Variants in NTHL1 observed in about 807,000 individuals in gnomAD.
NTHL1 encodes the protein nth like DNA glycosylase 1, also known as endonuclease III-like protein 1.
In NTHL1, 32 loss-of-function variants were observed where a neutral mutation model predicts 32.3. The observed-to-expected ratio is 0.99, with a 90% confidence interval of 0.75 to 1.33. The LOEUF is 1.33. Among genes scored for constraint, NTHL1 ranks in the 40% most tolerant of loss-of-function variants. The probability of loss-of-function intolerance (pLI) is 0.00; values close to 1 mark genes in which losing one functional copy is unlikely to be tolerated. For missense variants in NTHL1, 501 were observed against 414.1 expected, an observed-to-expected ratio of 1.21 and a Z score of -1.82; for synonymous variants, 188 against 176.9, an observed-to-expected ratio of 1.06 and a Z score of -0.50.
intron 2 of NTHL1, among the ~76,000 whole-genome samples, chr16:2,045,068 G>A (rs1219564258): frequency 6.6e-6 from 1 of 152,196 alleles, no homozygotes; most frequent in African/African-American, 2.4e-5. Context: ...CGGGCGTGGT[G>A]GCTCGCACCC....
intron 1 of NTHL1, 32 bp downstream of exon 1, chr16:2,047,677 C>A: frequency 6.4e-7 from 1 of 1,554,972 alleles, no homozygotes; most frequent in East Asian, 2.4e-5. Flanking sequence ...TATCCCGCCT[C>A]CTCCCACGCT....
In NTHL1 at chr16:2,043,836, G is replaced by T; in HGVS notation, c.526-110C>A. ...GCCAGAGCTACCTGCACCTGCTGAG[G>T]ACGTGTGCAAGCTCAGCCCCCGCCC... On this transcript the variant is annotated intron_variant, in intron 3 of 5. Transcript: ENST00000651570. This position sits in a 1 kb window ranked among gnomAD's most constrained non-coding sequence, Gnocchi z 4.4. The T allele has an allele frequency of 7.6e-7, 1 of 1,312,452 alleles. No homozygotes were observed. Among genetic ancestry groups the T allele is most frequent in the Non-Finnish European group, 1.1e-6 (1 of 933,164 alleles). 81.3% of individuals were successfully genotyped at this position (1,312,452 alleles called of 1,614,324 possible).
At position 2,046,313 on chromosome 16, in the gene NTHL1, G is replaced by A. The variant is rs767591879; in HGVS notation, c.169C>T (p.Arg57Cys). 28 of 1,612,266 alleles carry A rather than the reference G, an allele frequency of 1.7e-5. No homozygotes were observed. The Admixed American group carries it at 2.7e-4, about 15-fold the overall frequency. ...CTGTCCGAGCCCTCATAGGCCACAC[G>A]CAGTCTCTGTGCTTTCCGCGGACGC... ...VKRPRKAQRL[R>C]VAYEGSDSEK... The change falls in exon 2 of 6, where the codon CGT (arginine) becomes TGT (cysteine). Residue 57 changes from arginine to cysteine, a missense_variant. Arg to Cys is a radical substitution (Grantham distance 180, BLOSUM62 -3). Transcript: ENST00000651570.
chr16:2,043,502 C>G lies in NTHL1; in HGVS notation c.685+65G>C. ...ATGCTGGAAGTGGAGTCACAGGTCACAAGGATGTGGGGAATCCCAAGAGCA... is the reference window on the plus strand; with the variant it reads ...ATGCTGGAAGTGGAGTCACAGGTCAGAAGGATGTGGGGAATCCCAAGAGCA... On this transcript the variant is annotated intron_variant, in intron 4 of 5. Coordinates refer to ENST00000651570, the MANE Select transcript of NTHL1 (RefSeq NM_002528.7). This position sits in a 1 kb window ranked among gnomAD's most constrained non-coding sequence, Gnocchi z 4.4. 1 of 1,591,634 alleles carries G rather than the reference C, an allele frequency of 6.3e-7. No individual in the cohort carries two copies. Among genetic ancestry groups the G allele is most frequent in the Non-Finnish European group, 8.5e-7 (1 of 1,175,282 alleles).
intron 2 of NTHL1, 68 bp downstream of exon 2, chr16:2,046,060 C>A (rs980946665): frequency 2.7e-5 from 38 of 1,393,228 alleles, no homozygotes; most frequent in Non-Finnish European, 3.7e-5. Context: ...CAAAAGCCAC[C>A]GGGTAGAAAG....
At chr16:2,047,502 G>A (rs1404305649) in intron 1 of NTHL1, 1 of 802,552 alleles carries the variant, frequency 1.2e-6, no homozygotes, top group African/African-American at 1.8e-5. Context: ...CAGCGGAGCG[G>A]AGCGCCCGAA....
chr16:2,046,340 T>C lies in NTHL1; in HGVS notation c.142A>G (p.Lys48Glu), dbSNP rs2150947503. 6.2e-7 allele frequency: 1 copy of C among 1,608,558 alleles called. No individual in the cohort carries two copies. Among genetic ancestry groups the C allele is most frequent in the Middle Eastern group, 1.7e-4 (1 of 6,048 alleles). ...AEARKSHSPV[K>E]RPRKAQRLRV... ...AGTCTCTGTGCTTTCCGCGGACGCT[T>C]CACGGGGCTGTGGCTTTTCCTCGCT... is the stretch of plus-strand genomic sequence containing the variant. Residue 48 changes from lysine (K) to glutamate (E), a missense_variant, in exon 2 of 6, where the codon AAG becomes GAG. Physicochemically the swap from Lys to Glu is moderately conservative, Grantham distance 56 (BLOSUM62 1). Coordinates refer to ENST00000651570, the MANE Select transcript of NTHL1 (RefSeq NM_002528.7).
rs1169243576 is a variant in NTHL1 at position 2,039,983 on chromosome 16, G to T, written c.856C>A (p.His286Asn). The change falls in exon 6 of 6, where the codon CAC (histidine) becomes AAC (asparagine). Residue 286 changes from histidine to asparagine, a missense_variant. By Grantham distance (68) the His-to-Asn change is moderately conservative. Coordinates refer to ENST00000651570, the MANE Select transcript of NTHL1 (RefSeq NM_002528.7). ...GFGQQTCLPV[H>N]PRCHACLNQA... ...TTGAGGCAGGCGTGGCAGCGAGGGT[G>T]CACAGGCAGACAGGTCTGCTGGCCG... 1 of 1,610,038 alleles carries T rather than the reference G, an allele frequency of 6.2e-7. No individual in the cohort carries two copies. Among genetic ancestry groups the T allele is most frequent in the Non-Finnish European group, 8.5e-7 (1 of 1,179,960 alleles).
chr16:2,046,056 C>G (rs1355508700), intron 2 of NTHL1, 72 bp downstream of exon 2: 2 of 1,366,526 alleles, frequency 1.5e-6, no homozygotes, highest in African/African-American at 1.4e-5. Context: ...CAGCCAAAAG[C>G]CACCGGGTAG....
rs544240290 is a variant in NTHL1, at chr16:2,043,336, C to T, written c.685+231G>A. On this transcript the variant is annotated intron_variant, in intron 4 of 5. Coordinates refer to ENST00000651570, the MANE Select transcript of NTHL1 (RefSeq NM_002528.7). This position sits in a 1 kb window ranked among gnomAD's most constrained non-coding sequence, Gnocchi z 4.4. ...ATACAACGCAGATGGAGTCCAGCTC[C>T]GGGGCCTCTCTCAGAGCCCTGCACG... The T allele has an allele frequency of 7.0e-5, 42 of 597,094 alleles. 1 individual carries two copies. Among genetic ancestry groups the T allele is most frequent in the South Asian group, 6.6e-4 (33 of 49,824 alleles). The allele number at this position is 597,094 out of a possible 1,614,324, so 37.0% of individuals were successfully genotyped here.
rs1433981161 is a variant in NTHL1, at chr16:2,044,929, CT to C, written c.355-130del. On this transcript the variant is annotated intron_variant, in intron 2 of 5. Transcript: ENST00000651570. The surrounding 1 kb of genome is among the most constrained non-coding windows in gnomAD (Gnocchi z 5.0). ...CCACACTTGAGGCATCAGCCTCCCC[CT>C]GTGGGGTGGGGAGGTCTGGTTTGGG... The C allele has an allele frequency of 1.0e-5, 11 of 1,084,024 alleles. No individual in the cohort carries two copies. The South Asian group carries it at 1.6e-4, about 16-fold the overall frequency. 67.2% of individuals were successfully genotyped at this position (1,084,024 alleles called of 1,614,324 possible).
At position 2,043,371 on chromosome 16, in the gene NTHL1, C is replaced by T; in HGVS notation, c.685+196G>A. On this transcript the variant is annotated intron_variant, in intron 4 of 5. Transcript: ENST00000651570. The surrounding 1 kb of genome is among the most constrained non-coding windows in gnomAD (Gnocchi z 4.4). The stretch of plus-strand genomic sequence containing the variant: ...CTCAGAGCCCTGCACGGAGCAGGTG[C>T]TCAGCCCATGTGACCTCCTGCCCCA... 1.5e-6 allele frequency: 1 copy of T among 681,432 alleles called. No homozygotes were observed. The allele number at this position is 681,432 out of a possible 1,614,324, so 42.2% of individuals were successfully genotyped here.
At chr16:2,047,325 A>C (rs1454550175) in intron 1 of NTHL1, 1 of 285,310 alleles carries the variant, frequency 3.5e-6, no homozygotes, top group East Asian at 8.7e-5. Context: ...CCCTCCCCCG[A>C]GCTGGGGGAG....
Position 2,044,067 on chromosome 16 carries a change from A to C in NTHL1, c.526-341T>G, listed in dbSNP as rs942222286. 53 of 395,328 alleles carry C rather than the reference A, an allele frequency of 1.3e-4. No individual in the cohort carries two copies. The highest frequency in any genetic ancestry group is 7.7e-4 in the African/African-American group (38 of 49,142). The allele number at this position is 395,328 out of a possible 1,614,324, so 24.5% of individuals were successfully genotyped here. A position where few individuals can be genotyped will look rare whatever the true frequency, so the allele number is the denominator to read the frequency against. On this transcript the variant is annotated intron_variant, in intron 3 of 5. Coordinates refer to ENST00000651570, the MANE Select transcript of NTHL1 (RefSeq NM_002528.7). The surrounding 1 kb of genome is among the most constrained non-coding windows in gnomAD (Gnocchi z 5.0). ...GGCTGCACCTGCGCCTTCAGGAAGG[A>C]GGGCTGGAGCTGGGGCTTCCCCACC...
chr16:2,042,786 CACCCTCCCCTCTTCTCCCTCTCA>C (rs1270012468), intron 4 of NTHL1, among the ~76,000 whole-genome samples: 4 of 142,022 alleles, frequency 2.8e-5, no homozygotes, highest in Non-Finnish European at 4.7e-5. Context: ...CCTCCCTCCC[CACCCTCCCCTCTTCTCCCTCTCA>C]ACCCTCCCCT....
rs2084321790 is a variant in NTHL1 at position 2,044,864 on chromosome 16, C to T, written c.355-64G>A. On this transcript the variant is annotated intron_variant, in intron 2 of 5. Coordinates refer to ENST00000651570, the MANE Select transcript of NTHL1 (RefSeq NM_002528.7). The surrounding 1 kb of genome is among the most constrained non-coding windows in gnomAD (Gnocchi z 5.0). ...CCTGGGTGATTCCCTGGCCAGGCTC[C>T]GCCCCCCGCCCTCGACACACCCTGG... 1.1e-5 allele frequency: 16 copies of T among 1,495,930 alleles called. No individual in the cohort carries two copies. The highest frequency in any genetic ancestry group is 1.8e-4 in the Middle Eastern group (1 of 5,436). The allele number at this position is 1,495,930 out of a possible 1,614,324, so 92.7% of individuals were successfully genotyped here.
In NTHL1 at chr16:2,043,853, C is replaced by A. The variant is rs1450862189; in HGVS notation, c.526-127G>T. 1.8e-6 allele frequency: 2 copies of A among 1,133,726 alleles called. No individual in the cohort carries two copies. Among genetic ancestry groups the A allele is most frequent in the Non-Finnish European group, 1.3e-6 (1 of 784,220 alleles). 70.2% of individuals were successfully genotyped at this position (1,133,726 alleles called of 1,614,324 possible). On this transcript the variant is annotated intron_variant, in intron 3 of 5. Coordinates refer to ENST00000651570, the MANE Select transcript of NTHL1 (RefSeq NM_002528.7). The surrounding 1 kb of genome is among the most constrained non-coding windows in gnomAD (Gnocchi z 4.4). Reference sequence around the variant, plus strand: ...CTGCTGAGGACGTGTGCAAGCTCAGCCCCCGCCCCCCAGGAGGCGGGAACA... The same window carrying A: ...CTGCTGAGGACGTGTGCAAGCTCAGACCCCGCCCCCCAGGAGGCGGGAACA...
intron 4 of NTHL1, among the ~76,000 whole-genome samples, chr16:2,040,923 A>G (rs1013248490): frequency 6.6e-6 from 1 of 152,158 alleles, no homozygotes; most frequent in African/African-American, 2.4e-5. Context: ...CAGACCTAGC[A>G]CCTGCCACTG....
At chr16:2,040,605 A>G (rs2084253495) in intron 4 of NTHL1, 16 of 386,796 alleles carry the variant, frequency 4.1e-5, no homozygotes, top group South Asian at 3.0e-4. Context: ...CCCCACAATA[A>G]CAGCGACAGC....
Sources: allele counts gnomAD v4.1 joint callset (sites outside exome capture counted in the v4.1 genomes callset), GRCh38; gene constraint gnomAD v4.1.1; non-coding constraint Gnocchi (gnomAD v3.1); transcripts MANE v1.5; gene names NCBI Gene and HGNC (gene_info 2026-07-23, HGNC 2026-07-21).